Variants in CACNA1B observed in about 807,000 individuals in gnomAD.
CACNA1B encodes voltage-dependent N-type calcium channel subunit alpha-1B.
Under a neutral mutation model 247.2 loss-of-function variants are expected in CACNA1B, and 70 were observed. The ratio of observed to expected loss-of-function variants is 0.28; its 90% CI spans 0.23 to 0.35. The LOEUF is 0.35. Ranked by LOEUF, CACNA1B falls within the 10% of genes least tolerant of loss-of-function variation. The pLI is 1.00. For missense variants in CACNA1B, 2,367 were observed against 3,197.4 expected, an observed-to-expected ratio of 0.74 and a Z score of 6.26; for synonymous variants, 1,231 against 1,294.4, an observed-to-expected ratio of 0.95 and a Z score of 1.05.
At chr9:138,071,833 G>A (rs1249071483) in intron 32 of CACNA1B, among the ~76,000 whole-genome samples, 2 of 152,226 alleles carry the variant, frequency 1.3e-5, no homozygotes, top group Middle Eastern at 3.4e-3. Flanking sequence ...AGTGGGTGCT[G>A]TGTTGCCCCA....
chr9:137,903,204 A>G (rs1957259292), intron 3 of CACNA1B, among the ~76,000 whole-genome samples: 1 of 152,102 alleles, frequency 6.6e-6, no homozygotes, highest in African/African-American at 2.4e-5. Flanking sequence ...CAACACGGTG[A>G]AACCCCGTCT....
In CACNA1B at chr9:138,059,812, T is replaced by C. The variant is rs1589103623; in HGVS notation, c.4668+75T>C. On this transcript the variant is annotated intron_variant, in intron 31 of 46. Coordinates refer to ENST00000371372, the MANE Select transcript of CACNA1B (RefSeq NM_000718.4). The surrounding 1 kb of genome is among the most constrained non-coding windows in gnomAD (Gnocchi z 4.2). ...TAGAGCCTGCTCCCCTCAGTGCATC[T>C]CCAGGCCCTGTGTTAGCCTCTTCCT... The C allele has an allele frequency of 4.7e-6, 4 of 846,048 alleles. No individual in the cohort carries two copies. The highest frequency in any genetic ancestry group is 8.2e-6 in the Non-Finnish European group (4 of 488,708). The allele number at this position is 846,048 out of a possible 1,614,324, so 52.4% of individuals were successfully genotyped here. A position where few individuals can be genotyped will look rare whatever the true frequency, so the allele number is the denominator to read the frequency against.
rs5901129 is a variant in CACNA1B at position 138,123,560 on chromosome 9, A to ATGTGTGTG, written c.*1583_*1590dup. 6.7e-6 allele frequency: 1 copy of ATGTGTGTG among 149,364 alleles called. No individual in the cohort carries two copies. The highest frequency in any genetic ancestry group is 1.5e-5 in the Non-Finnish European group (1 of 67,094). The allele number at this position is 149,364 out of a possible 1,614,324, so 9.3% of individuals were successfully genotyped here. Reference sequence around the variant, plus strand: ...ATTCTCCTCAAAGAAATTGTGTGTGATGTGTGTGTGTGTGTGTGTGTGTGT... The same window carrying ATGTGTGTG: ...ATTCTCCTCAAAGAAATTGTGTGTGATGTGTGTGTGTGTGTGTGTGTGTGTGTGTGTGT... On this transcript the variant is annotated 3_prime_UTR_variant, in exon 47 of 47. Transcript: ENST00000371372.
At chr9:138,031,506 G>A (rs551529554) in intron 20 of CACNA1B, among the ~76,000 whole-genome samples, 72 of 152,260 alleles carry the variant, frequency 4.7e-4, no homozygotes, top group African/African-American at 1.7e-3. Flanking sequence ...ATTCCTATAA[G>A]CATTGTTTAG....
In CACNA1B at chr9:138,047,074, G is replaced by A. The variant is rs769247243; in HGVS notation, c.3543+41G>A. ...GGCCGGGTCCCCGCCAGGCTGTGGC[G>A]GGGGAGCTGGGTGCCTTCCCAGGGG... is the stretch of plus-strand genomic sequence containing the variant. On this transcript the variant is annotated intron_variant, in intron 22 of 46. Coordinates refer to ENST00000371372, the MANE Select transcript of CACNA1B (RefSeq NM_000718.4). 48 of 1,563,410 alleles carry A rather than the reference G, an allele frequency of 3.1e-5. No homozygotes were observed. The Admixed American group carries it at 3.1e-4, about 10-fold the overall frequency.
chr9:137,936,335 A>AT (rs1433407783), intron 6 of CACNA1B, among the ~76,000 whole-genome samples: 5 of 151,670 alleles, frequency 3.3e-5, no homozygotes, highest in African/African-American at 9.7e-5. Context: ...GGGTTGTTTG[A>AT]TTTTTTCCTG....
At chr9:138,074,244 C>A (rs77708794) in intron 34 of CACNA1B, among the ~76,000 whole-genome samples, 178 bp downstream of exon 34, 2 of 144,318 alleles carry the variant, frequency 1.4e-5, no homozygotes, top group African/African-American at 5.1e-5. Context: ...TTTTCTTACT[C>A]TTTTTTTTTT....
chr9:138,068,631 A>G (rs760543505), intron 31 of CACNA1B: 1 of 518,890 alleles, frequency 1.9e-6, no homozygotes, highest in East Asian at 5.4e-5. Context: ...TTATTCATCA[A>G]ATACAGTGAT....
At chr9:138,009,385 G>T (rs1454661015) in intron 16 of CACNA1B, among the ~76,000 whole-genome samples, 1 of 152,240 alleles carries the variant, frequency 6.6e-6, no homozygotes, top group East Asian at 1.9e-4. Context: ...CAAAGAAGAG[G>T]CCCCAGGACA....
intron 20 of CACNA1B, chr9:138,032,540 TA>T: frequency 2.8e-6 from 1 of 354,636 alleles, no homozygotes; most frequent in South Asian, 2.1e-5. Flanking sequence ...GGAACTTCCT[TA>T]GGCATTCTTT....
At chr9:138,070,520 T>A (rs540249320) in intron 32 of CACNA1B, among the ~76,000 whole-genome samples, 1 of 152,354 alleles carries the variant, frequency 6.6e-6, no homozygotes, top group South Asian at 2.1e-4. Context: ...AGCAAAGATA[T>A]TTGGTAACTG....
chr9:138,005,960 G>A (rs1336118563), intron 15 of CACNA1B, among the ~76,000 whole-genome samples: 2 of 149,838 alleles, frequency 1.3e-5, no homozygotes, highest in Admixed American at 6.7e-5. Context: ...GGAGAATGGC[G>A]TGAACCTGGG....
chr9:137,964,693 C>T (rs1958055438), intron 10 of CACNA1B, among the ~76,000 whole-genome samples: 2 of 152,188 alleles, frequency 1.3e-5, no homozygotes. Flanking sequence ...AAGCCTACTT[C>T]TATCATTTCA....
Position 138,058,644 on chromosome 9 carries a change from T to C in CACNA1B, c.4384T>C (p.Tyr1462His). The C allele has an allele frequency of 6.2e-7, 1 of 1,613,852 alleles. No homozygotes were observed. Among genetic ancestry groups the C allele is most frequent in the Non-Finnish European group, 8.5e-7 (1 of 1,179,790 alleles). Residue 1462 changes from tyrosine to histidine, a missense_variant, in exon 29 of 47, where the codon TAT becomes CAT. Tyr to His is a moderately conservative substitution (Grantham distance 83, BLOSUM62 2). Coordinates refer to ENST00000371372, the MANE Select transcript of CACNA1B (RefSeq NM_000718.4). This position sits in a 1 kb window ranked among gnomAD's most constrained non-coding sequence, Gnocchi z 4.7. ...GCCCCAAAACCGGCAGTCGTTCCAG[T>C]ATAAGACGTGGACATTTGTGGTCTC... ...YMPQNRQSFQ[Y>H]KTWTFVVSPP...
rs1169901149 is a variant in CACNA1B at position 137,955,123 on chromosome 9, T to C, written c.1071-575T>C. Among the ~76,000 whole-genome samples the C allele has an allele frequency of 6.6e-6, 1 of 152,012 alleles. No homozygotes were observed. The highest frequency in any genetic ancestry group is 1.5e-5 in the Non-Finnish European group (1 of 67,992). ...CTCACTGTGAGCCTCAGAGGCTTGG[T>C]TGAGGAGGCTACGTGGACTCTGCGG... On this transcript the variant is annotated intron_variant, in intron 7 of 46. Coordinates refer to ENST00000371372, the MANE Select transcript of CACNA1B (RefSeq NM_000718.4). The surrounding 1 kb of genome is among the most constrained non-coding windows in gnomAD (Gnocchi z 6.9).
intron 6 of CACNA1B, among the ~76,000 whole-genome samples, chr9:137,924,906 C>T (rs1048632141): frequency 2.0e-5 from 3 of 152,220 alleles, no homozygotes; most frequent in African/African-American, 7.2e-5. Context: ...ACAGTGTACC[C>T]TTCATGGGAT....
chr9:138,056,469 C>T (rs1019357700), intron 26 of CACNA1B, among the ~76,000 whole-genome samples: 4 of 152,182 alleles, frequency 2.6e-5, no homozygotes, highest in African/African-American at 9.7e-5. Context: ...CTTATTCTTT[C>T]ATTTGCTGAT....
rs1957969560 is a variant in CACNA1B at position 137,957,937 on chromosome 9, C to G, written c.1333+250C>G. Among the ~76,000 whole-genome samples, 2 of 152,174 alleles carry G rather than the reference C, an allele frequency of 1.3e-5. No individual in the cohort carries two copies. The highest frequency in any genetic ancestry group is 2.9e-5 in the Non-Finnish European group (2 of 68,020). On this transcript the variant is annotated intron_variant, in intron 10 of 46. Transcript: ENST00000371372. The surrounding 1 kb of genome is among the most constrained non-coding windows in gnomAD (Gnocchi z 4.7). Reference sequence around the variant, plus strand: ...TCAGCCCCTGTCTCTTTTTCACTTTCTGGACCTGCTGCCTCTGAGGCTGTT... The same window carrying G: ...TCAGCCCCTGTCTCTTTTTCACTTTGTGGACCTGCTGCCTCTGAGGCTGTT...
At position 138,120,268 on chromosome 9, in the gene CACNA1B, G is replaced by C. The variant is rs753140855; in HGVS notation, c.6134G>C (p.Ser2045Thr). 6.3e-6 allele frequency: 10 copies of C among 1,593,820 alleles called. No homozygotes were observed. The South Asian group carries it at 1.0e-4, about 16-fold the overall frequency. ...ACCACCCCGGACCGCCCACCCCCTAGCCAGGCGTCGTCGCACCACCACCAC... is the reference window on the plus strand; with the variant it reads ...ACCACCCCGGACCGCCCACCCCCTACCCAGGCGTCGTCGCACCACCACCAC... ...CSTTPDRPPPSQASSHHHHHR... is the reference protein window; with the variant it reads ...CSTTPDRPPPTQASSHHHHHR... Residue 2045 changes from serine (S) to threonine (T), a missense_variant, in exon 45 of 47, where the codon AGC becomes ACC. Ser to Thr is a moderately conservative substitution (Grantham distance 58). This residue lies in a region of CACNA1B where 773 missense variants were observed against 779.4 expected (regional missense o/e 0.99). Transcript: ENST00000371372.
Sources: gnomAD v4.1 joint callset for allele counts (sites outside exome capture counted in the v4.1 genomes callset) on GRCh38, gnomAD v4.1.1 for gene constraint, gnomAD v4.1.1 regional missense constraint, Gnocchi (gnomAD v3.1) non-coding constraint, MANE v1.5 for transcripts, NCBI Gene and HGNC (gene_info 2026-07-23, HGNC 2026-07-21) for gene names.